Variants in TMEM59 observed in about 807,000 individuals in gnomAD.
TMEM59 encodes the protein dendritic cell factor 1.
In TMEM59, 44 loss-of-function variants were observed where a neutral mutation model predicts 42.2. The observed-to-expected ratio is 1.04, with a 90% confidence interval of 0.82 to 1.34. TMEM59 has a LOEUF of 1.34. TMEM59 is among the 40% of genes most tolerant of loss of function. TMEM59 has a pLI of 0.00. For synonymous variants in TMEM59, 148 were observed against 145.8 expected (o/e 1.02, Z -0.11); for missense variants, 359 against 382.8 (o/e 0.94, Z 0.52).
At chr1:54,032,787 T>C (rs974620687) in intron 7 of TMEM59, among the ~76,000 whole-genome samples, 1 of 152,212 alleles carries the variant, frequency 6.6e-6, no homozygotes, top group Non-Finnish European at 1.5e-5. Flanking sequence ...TAATACCATA[T>C]ACAAGAAGAC....
chr1:54,045,268 A>C (rs755708413), intron 3 of TMEM59, among the ~76,000 whole-genome samples: 9 of 152,210 alleles, frequency 5.9e-5, no homozygotes, highest in Non-Finnish European at 1.3e-4. Context: ...ACAGCAAAGG[A>C]TGGAGTTAGA....
Position 54,047,261 on chromosome 1 carries a change from T to C in TMEM59, c.295+6A>G. On this transcript the variant is annotated splice_donor_region_variant and intron_variant, in intron 2 of 7. Coordinates refer to ENST00000234831, the MANE Select transcript of TMEM59 (RefSeq NM_004872.5). ...TACAGCTGATGTCGTTAGCATAGCA[T>C]CTTACCAGATTCACATTCCAATTTA... 6.2e-7 allele frequency: 1 copy of C among 1,610,044 alleles called. No homozygotes were observed. The highest frequency in any genetic ancestry group is 1.7e-4 in the Middle Eastern group (1 of 6,054).
At chr1:54,051,578 T>C (rs1320193775) in intron 1 of TMEM59, among the ~76,000 whole-genome samples, 1 of 152,218 alleles carries the variant, frequency 6.6e-6, no homozygotes, top group Non-Finnish European at 1.5e-5. Context: ...TTCTGGTTTA[T>C]ACCACAAAAT....
Position 54,036,713 on chromosome 1 carries a change from G to C in TMEM59, c.713C>G (p.Ser238Cys), listed in dbSNP as rs200744731. The C allele has an allele frequency of 1.3e-6, 2 of 1,561,488 alleles. No individual in the cohort carries two copies. Among genetic ancestry groups the C allele is most frequent in the African/African-American group, 2.8e-5 (2 of 71,128 alleles). ...AAGAGTTGTAGTTAAAATCCACCCA[G>C]AGTTACTGGAAAAAAAAAATCAACA... ...DGFLRCLSLN[S>C]GWILTTTLVL... is the part of the protein sequence containing the mutation. The change falls in exon 7 of 8, where the codon TCT becomes TGT. Residue 238 changes from serine (S) to cysteine (C), a missense_variant. Transcript: ENST00000234831.
At chr1:54,044,697 T>G (rs1657268809) in intron 3 of TMEM59, 1 of 152,004 alleles carries the variant, frequency 6.6e-6, no homozygotes, top group South Asian at 2.1e-4. Context: ...AGCCCTATGA[T>G]TTTATTCTAC....
At chr1:54,036,019 C>T (rs1656933844) in intron 7 of TMEM59, among the ~76,000 whole-genome samples, 1 of 152,166 alleles carries the variant, frequency 6.6e-6, no homozygotes, top group Admixed American at 6.5e-5. Context: ...TATGGTGGCT[C>T]ACGCCTGTAA....
chr1:54,038,580 C>T (rs1657032869), intron 6 of TMEM59, among the ~76,000 whole-genome samples: 1 of 152,204 alleles, frequency 6.6e-6, no homozygotes, highest in Admixed American at 6.5e-5. Context: ...TCTTTAACAG[C>T]TACGACCAGA....
chr1:54,045,640 C>T, intron 3 of TMEM59, 52 bp downstream of exon 3: 1 of 1,542,770 alleles, frequency 6.5e-7, no homozygotes. Context: ...TCAAGCAATA[C>T]AAGTCAGTGC....
intron 1 of TMEM59, among the ~76,000 whole-genome samples, chr1:54,049,997 C>G (rs1326568210): frequency 6.6e-6 from 1 of 151,888 alleles, no homozygotes; most frequent in Admixed American, 6.6e-5. Flanking sequence ...GTTTTTTCGA[C>G]CGAGATAAAT....
chr1:54,043,488 G>A lies in TMEM59; in HGVS notation c.428C>T (p.Pro143Leu), dbSNP rs1657216101. 2.6e-6 allele frequency: 4 copies of A among 1,541,448 alleles called. No individual in the cohort carries two copies. Among genetic ancestry groups the A allele is most frequent in the Non-Finnish European group, 3.5e-6 (4 of 1,142,462 alleles). Residue 143 changes from proline to leucine, a missense_variant, in exon 4 of 8, where the codon CCT becomes CTT. By Grantham distance (98) the Pro-to-Leu change is moderately conservative. Coordinates refer to ENST00000234831, the MANE Select transcript of TMEM59 (RefSeq NM_004872.5). ...CCAGAATGACCTCACCAGAGTTAGA[G>A]GAAAGAGTAGGTGCATTTTTGGCAT... The part of the protein sequence containing the change: ...SLMPKMHLLF[P>L]LTLVRSFWSD...
chr1:54,039,645 C>T (rs767466367), intron 6 of TMEM59, among the ~76,000 whole-genome samples: 16 of 152,234 alleles, frequency 1.1e-4, no homozygotes, highest in African/African-American at 3.1e-4. Context: ...TTACAGGGAG[C>T]ATGTGATTTG....
chr1:54,040,325 G>C (rs538254811), intron 6 of TMEM59, among the ~76,000 whole-genome samples: 2 of 151,872 alleles, frequency 1.3e-5, no homozygotes, highest in East Asian at 3.9e-4. Flanking sequence ...GCTAATTTTT[G>C]TATTTTCAGT....
intron 1 of TMEM59, among the ~76,000 whole-genome samples, chr1:54,052,277 G>A (rs547453483): frequency 6.6e-6 from 1 of 152,118 alleles, no homozygotes; most frequent in Non-Finnish European, 1.5e-5. Context: ...ATAGAGAGGA[G>A]GGCCATTCCT....
At chr1:54,048,820 T>C (rs1657432147) in intron 1 of TMEM59, 2 of 202,710 alleles carry the variant, frequency 9.9e-6, no homozygotes, top group Admixed American at 6.0e-5. Context: ...CAGTCTAATA[T>C]TAAATATACT....
At chr1:54,045,663 C>T (rs781757711) in intron 3 of TMEM59, 29 bp downstream of exon 3, 2 of 1,605,532 alleles carry the variant, frequency 1.2e-6, no homozygotes, top group East Asian at 2.2e-5. Context: ...TCTAAGCAGG[C>T]TAGTTTGAAA....
Position 54,040,737 on chromosome 1 carries a change from A to C in TMEM59, c.707+19T>G. ...GCCAGATTTTATCTGTTATACACAT[A>C]ATAAAGAGGAATACATACAGAGAGA... On this transcript the variant is annotated intron_variant, in intron 6 of 7. Transcript: ENST00000234831. The C allele has an allele frequency of 1.3e-6, 2 of 1,583,716 alleles. No individual in the cohort carries two copies. Among genetic ancestry groups the C allele is most frequent in the South Asian group, 2.2e-5 (2 of 90,270 alleles).
At chr1:54,045,514 A>G (rs1416994598) in intron 3 of TMEM59, 178 bp downstream of exon 3, 3 of 537,100 alleles carry the variant, frequency 5.6e-6, no homozygotes, top group Admixed American at 6.8e-5. Flanking sequence ...TTAATAGTAA[A>G]GCATTATACA....
At chr1:54,053,287 G>A (rs1014099288), upstream of TMEM59, 6 of 1,441,186 alleles carry the variant, frequency 4.2e-6, no homozygotes, top group African/African-American at 7.0e-5. Context: ...CCCACCGACC[G>A]TTGCTTCCGC....
intron 6 of TMEM59, among the ~76,000 whole-genome samples, chr1:54,038,991 G>T (rs1657047864): frequency 1.3e-5 from 2 of 152,124 alleles, no homozygotes; most frequent in South Asian, 4.1e-4. Context: ...CTACAGGTGT[G>T]TGCCACCATG....
Sources: gnomAD v4.1 joint callset for allele counts (sites outside exome capture counted in the v4.1 genomes callset) on GRCh38, gnomAD v4.1.1 for gene constraint, MANE v1.5 for transcripts, NCBI Gene and HGNC (gene_info 2026-07-23, HGNC 2026-07-21) for gene names.